LINGO2: variants seen among roughly 807,000 people sequenced by gnomAD.
LINGO2 encodes the protein leucine-rich repeat and immunoglobulin-like domain-containing nogo receptor-interacting protein 2.
A neutral mutation model predicts 30.6 loss-of-function variants in LINGO2; 14 were observed. The observed-to-expected ratio is 0.46, with a 90% CI of 0.30 to 0.72. The LOEUF is 0.72. Ranked by LOEUF, LINGO2 falls within the 30% of genes least tolerant of loss-of-function variation. The pLI, the probability that LINGO2 is intolerant of heterozygous loss-of-function variation, is 0.07. For synonymous variants in LINGO2, 317 were observed against 288.5 expected, an observed-to-expected ratio of 1.10 and a Z score of -1.00; for missense variants, 729 against 751.7, an observed-to-expected ratio of 0.97 and a Z score of 0.35.
At position 28,147,413 on chromosome 9, in the gene LINGO2, G is replaced by A. The variant is rs1441547647; in HGVS notation, c.-86-135008C>T. Among the ~76,000 whole-genome samples the A allele has an allele frequency of 6.6e-6, 1 of 152,220 alleles. No homozygotes were observed. The highest frequency in any genetic ancestry group is 1.9e-4 in the East Asian group (1 of 5,172). On this transcript the variant is annotated intron_variant, in intron 4 of 5. Coordinates refer to ENST00000379992, the Ensembl canonical transcript of LINGO2. The surrounding 1 kb of genome is among the most constrained non-coding windows in gnomAD (Gnocchi z 4.7). ...GCGCATCCAGTCAGGTCAGGGCACC[G>A]CGTTCTCTCTTTGGAAACCTGTGGA... is the stretch of plus-strand genomic sequence containing the variant.
intron 1 of LINGO2, among the ~76,000 whole-genome samples, chr9:28,555,181 C>T (rs1445319063): frequency 1.5e-5 from 2 of 132,380 alleles, no homozygotes; most frequent in Non-Finnish European, 3.1e-5. Context: ...ACACAAAAAA[C>T]CCTTCAAAAA....
the LINGO2 span, among the ~76,000 whole-genome samples, chr9:28,732,012 T>C: frequency 6.6e-6 from 1 of 152,062 alleles, no homozygotes; most frequent in African/African-American, 2.4e-5. Flanking sequence ...TTGAACAAAA[T>C]ACTATAAAGA....
the LINGO2 span, among the ~76,000 whole-genome samples, chr9:28,780,213 T>G: frequency 6.6e-6 from 1 of 152,156 alleles, no homozygotes; most frequent in East Asian, 1.9e-4. Context: ...ATCAAGAAAC[T>G]TGGTAGCTTC....
At chr9:27,947,961 C>G (rs1219016225), downstream of LINGO2, 1 of 152,158 alleles carries the variant, frequency 6.6e-6, no homozygotes, top group African/African-American at 2.4e-5. Flanking sequence ...ATTATTAACA[C>G]CTACCTTGCA....
chr9:28,447,173 AC>A (rs951420443), intron 2 of LINGO2, among the ~76,000 whole-genome samples: 8 of 152,206 alleles, frequency 5.3e-5, no homozygotes, highest in Admixed American at 2.6e-4. Context: ...TTTCTGTATT[AC>A]TTTTCATAAT....
intron 4 of LINGO2, among the ~76,000 whole-genome samples, chr9:28,253,044 C>G (rs1324259672): frequency 6.6e-6 from 1 of 151,156 alleles, no homozygotes; most frequent in Non-Finnish European, 1.5e-5. Context: ...GAGCAGTTAT[C>G]AAACCTAAAC....
At chr9:28,098,071 G>A (rs1017959544) in intron 4 of LINGO2, among the ~76,000 whole-genome samples, 2 of 152,108 alleles carry the variant, frequency 1.3e-5, no homozygotes, top group Admixed American at 6.6e-5. Context: ...ACGGGAGGCC[G>A]TGGAGAGTGC....
the LINGO2 span, among the ~76,000 whole-genome samples, chr9:28,996,119 A>C: frequency 2.6e-5 from 1 of 39,144 alleles, no homozygotes; most frequent in Non-Finnish European, 4.4e-5. Context: ...ATATTGCTTT[A>C]AAAAAAAAAA....
At chr9:28,961,184 A>T in the LINGO2 span, among the ~76,000 whole-genome samples, 5 of 152,280 alleles carry the variant, frequency 3.3e-5, no homozygotes, top group South Asian at 2.1e-4. Context: ...TCTTACTGTC[A>T]TACTATCGCC....
the LINGO2 span, among the ~76,000 whole-genome samples, chr9:29,211,050 T>C: frequency 6.6e-6 from 1 of 152,238 alleles, no homozygotes; most frequent in Non-Finnish European, 1.5e-5. Context: ...TCAGCTTCTA[T>C]TCAGTATTCC....
At chr9:29,154,173 G>T in the LINGO2 span, among the ~76,000 whole-genome samples, 1 of 152,036 alleles carries the variant, frequency 6.6e-6, no homozygotes, top group Admixed American at 6.5e-5. Flanking sequence ...GGCCAGGCAC[G>T]GTGGCTCACA....
Position 28,355,444 on chromosome 9 carries a change from A to T in LINGO2, c.-246+17392T>A, listed in dbSNP as rs141013820. 6.5e-4 allele frequency among the ~76,000 whole-genome samples: 97 copies of T among 149,732 alleles called. 1 individual carries two copies. The highest frequency in any genetic ancestry group is 2.2e-3 in the African/African-American group (89 of 40,772). On this transcript the variant is annotated intron_variant, in intron 3 of 5. Transcript: ENST00000379992. ...TTGGAAAAGTTTTTTCCCCAGAAAT[A>T]ACATTCGCCCCCTAAAGTGCTGAAC...
chr9:29,033,493 A>T, the LINGO2 span, among the ~76,000 whole-genome samples: 4 of 151,468 alleles, frequency 2.6e-5, no homozygotes, highest in Non-Finnish European at 5.9e-5. Context: ...AATAATTGTA[A>T]ACCTTATTCT....
intron 1 of LINGO2, among the ~76,000 whole-genome samples, chr9:28,556,920 G>T (rs1298911580): frequency 2.0e-5 from 3 of 152,078 alleles, no homozygotes; most frequent in African/African-American, 7.2e-5. Context: ...TTAATAAATG[G>T]TGCTGGGAAA....
At chr9:28,709,106 G>T in the LINGO2 span, among the ~76,000 whole-genome samples, 1 of 152,184 alleles carries the variant, frequency 6.6e-6, no homozygotes, top group South Asian at 2.1e-4. Context: ...AAAATACCTT[G>T]TTCCTGTTCT....
At chr9:28,810,092 A>G in the LINGO2 span, among the ~76,000 whole-genome samples, 1 of 151,948 alleles carries the variant, frequency 6.6e-6, no homozygotes, top group African/African-American at 2.4e-5. Flanking sequence ...TGCCTGCCAG[A>G]TTTAGTCCAC....
intron 1 of LINGO2, among the ~76,000 whole-genome samples, chr9:28,558,282 A>C: frequency 6.6e-6 from 1 of 151,850 alleles, no homozygotes; most frequent in East Asian, 1.9e-4. Context: ...CTCTTGAGTA[A>C]GACATATTCC....
chr9:28,667,363 AT>A (rs1351392503), intron 1 of LINGO2, among the ~76,000 whole-genome samples: 4 of 152,134 alleles, frequency 2.6e-5, no homozygotes, highest in African/African-American at 7.2e-5. Context: ...ACCTGACATC[AT>A]TTAAAACATT....
chr9:28,833,473 A>T, the LINGO2 span, among the ~76,000 whole-genome samples: 1 of 152,324 alleles, frequency 6.6e-6, no homozygotes, highest in Non-Finnish European at 1.5e-5. Flanking sequence ...GCACTTAAAA[A>T]ATTTAATGAT....
Sources: allele counts gnomAD v4.1 joint callset (sites outside exome capture counted in the v4.1 genomes callset), GRCh38; gene constraint gnomAD v4.1.1; non-coding constraint Gnocchi (gnomAD v3.1); transcripts MANE v1.5; gene names NCBI Gene and HGNC (gene_info 2026-07-23, HGNC 2026-07-21).